The following CPVL variants were observed in gnomAD, a reference collection of about 807,000 sequenced individuals.
CPVL encodes the protein probable serine carboxypeptidase CPVL.
CPVL carries 51 observed loss-of-function variants against 63.7 expected under a neutral mutation model. That is an observed-to-expected ratio of 0.80 (90% confidence interval 0.64 to 1.01). The LOEUF (loss-of-function observed/expected upper bound fraction) is 1.01. CPVL is among the 50% of genes least tolerant of loss of function. The pLI is 0.00. For missense variants in CPVL, 530 were observed against 573.1 expected, an observed-to-expected ratio of 0.92 and a Z score of 0.77; for synonymous variants, 195 against 206.0, an observed-to-expected ratio of 0.95 and a Z score of 0.46.
chr7:29,178,800 TA>T (rs1416332277), intron 5 of CPVL, among the ~76,000 whole-genome samples: 1 of 152,176 alleles, frequency 6.6e-6, no homozygotes, highest in Non-Finnish European at 1.5e-5. Flanking sequence ...AAAAATGACT[TA>T]AATCCCTATG....
At chr7:29,081,679 A>G (rs966772410) in intron 7 of CPVL, among the ~76,000 whole-genome samples, 10 of 152,254 alleles carry the variant, frequency 6.6e-5, no homozygotes, top group Non-Finnish European at 8.8e-5. Flanking sequence ...CGGAGCTTCT[A>G]TTAACACTTC....
In CPVL at chr7:29,066,121, T is replaced by A. The variant is rs1304568209; in HGVS notation, c.865A>T (p.Ile289Leu). 1 of 1,519,572 alleles carries A rather than the reference T, an allele frequency of 6.6e-7. No individual in the cohort carries two copies. The highest frequency in any genetic ancestry group is 1.1e-5 in the South Asian group (1 of 87,192). The allele number at this position is 1,519,572 out of a possible 1,614,324, so 94.1% of individuals were successfully genotyped here. ...RKQNWFEAFE[I>L]LDKLLDGDLT... ...TCGCCATCTAGTAGTTTATCCAGTATCTAGGTTGGGAGAGAGGGAGAAAGA... is the reference window on the plus strand; with the variant it reads ...TCGCCATCTAGTAGTTTATCCAGTAACTAGGTTGGGAGAGAGGGAGAAAGA... Residue 289 changes from isoleucine to leucine, a missense_variant and splice_region_variant, in exon 10 of 13, where the codon ATA becomes TTA. Ile to Leu is a conservative substitution (Grantham distance 5). Transcript: ENST00000265394.
intron 5 of CPVL, among the ~76,000 whole-genome samples, chr7:29,177,580 T>C (rs538581369): frequency 6.6e-6 from 1 of 150,588 alleles, no homozygotes; most frequent in South Asian, 2.1e-4. Flanking sequence ...TTTAATTTAC[T>C]GGCTTTTCCT....
chr7:29,183,586 A>T (rs1006073164), intron 4 of CPVL, among the ~76,000 whole-genome samples: 2 of 152,078 alleles, frequency 1.3e-5, no homozygotes, highest in African/African-American at 4.8e-5. Context: ...CATGTTGGCC[A>T]GGCTGGTCTC....
At chr7:29,170,391 G>C (rs973791532) in intron 5 of CPVL, among the ~76,000 whole-genome samples, 13 of 152,064 alleles carry the variant, frequency 8.5e-5, no homozygotes, top group Non-Finnish European at 1.6e-4. Flanking sequence ...GTAAAACATT[G>C]TTCCATTTGA....
chr7:29,102,816 GAGA>G (rs1787290826), intron 3 of CPVL, among the ~76,000 whole-genome samples: 1 of 152,160 alleles, frequency 6.6e-6, no homozygotes. Context: ...CCCAGAAAGA[GAGA>G]AGTTATCTAT....
At chr7:29,092,313 C>T (rs1196893326) in intron 6 of CPVL, among the ~76,000 whole-genome samples, 1 of 151,544 alleles carries the variant, frequency 6.6e-6, no homozygotes, top group Non-Finnish European at 1.5e-5. Flanking sequence ...ATCCAAAAGC[C>T]ACGAAAAGAA....
intron 2 of CPVL, 95 bp downstream of exon 2, chr7:29,120,798 T>C: frequency 1.6e-6 from 2 of 1,259,672 alleles, no homozygotes; most frequent in African/African-American, 1.6e-5. Flanking sequence ...TCCAGCCTAG[T>C]GACAGGCGAG....
intron 5 of CPVL, among the ~76,000 whole-genome samples, chr7:29,152,518 C>T (rs1450959252): frequency 6.6e-6 from 1 of 152,176 alleles, no homozygotes; most frequent in Non-Finnish European, 1.5e-5. Context: ...AGTCTGAATG[C>T]ACTAGCTAAA....
At chr7:29,014,222 A>G (rs956112021) in intron 12 of CPVL, among the ~76,000 whole-genome samples, 1 of 152,194 alleles carries the variant, frequency 6.6e-6, no homozygotes, top group Non-Finnish European at 1.5e-5. Context: ...GAAGATAGAG[A>G]CAAAGAACCC....
At chr7:29,070,715 TG>T (rs1783648361) in intron 9 of CPVL, among the ~76,000 whole-genome samples, 1 of 152,244 alleles carries the variant, frequency 6.6e-6, no homozygotes. Context: ...TCCATCCATT[TG>T]CACAGCTAGC....
intron 12 of CPVL, chr7:29,009,640 AATAC>A (rs1159225994): frequency 2.0e-5 from 3 of 152,356 alleles, no homozygotes; most frequent in African/African-American, 4.8e-5. Context: ...GTTTTTGCAA[AATAC>A]ATACAGAATA....
At chr7:29,093,590 TAGAAGTTCAC>T (rs1786078531) in intron 5 of CPVL, among the ~76,000 whole-genome samples, 1 of 152,180 alleles carries the variant, frequency 6.6e-6, no homozygotes, top group Non-Finnish European at 1.5e-5. Flanking sequence ...TATTAGAACC[TAGAAGTTCAC>T]AGACAACTGA....
intron 1 of CPVL, among the ~76,000 whole-genome samples, chr7:29,142,216 C>A (rs1163048950): frequency 1.3e-5 from 2 of 152,158 alleles, no homozygotes; most frequent in Non-Finnish European, 2.9e-5. Context: ...GATAAACAGG[C>A]ATTAAAATAC....
chr7:29,117,207 C>T (rs777427375), intron 2 of CPVL, among the ~76,000 whole-genome samples: 20 of 152,156 alleles, frequency 1.3e-4, no homozygotes, highest in Non-Finnish European at 2.4e-4. Flanking sequence ...TGAAGATCTA[C>T]CAATCTTGAC....
At chr7:29,084,209 C>G (rs1056962317) in intron 7 of CPVL, among the ~76,000 whole-genome samples, 1 of 152,164 alleles carries the variant, frequency 6.6e-6, no homozygotes, top group East Asian at 1.9e-4. Flanking sequence ...CACAGGCAGC[C>G]GGGCCCTGCA....
intron 1 of CPVL, chr7:29,145,988 T>C (rs245878): frequency 0.37 from 55,635 of 152,064 alleles, 10,183 homozygotes; most frequent in East Asian, 0.39. Context: ...GAAGGTATTT[T>C]CCGCTTCTCT....
At chr7:29,042,168 TGGA>T (rs1403065746) in intron 11 of CPVL, among the ~76,000 whole-genome samples, 3 of 152,152 alleles carry the variant, frequency 2.0e-5, no homozygotes, top group African/African-American at 7.2e-5. Flanking sequence ...TATGTCCATG[TGGA>T]GGAGGAGCAG....
chr7:29,061,943 CAA>C (rs558152536), intron 11 of CPVL, among the ~76,000 whole-genome samples: 6,232 of 104,034 alleles, frequency 0.06, 280 homozygotes, highest in East Asian at 0.27. Flanking sequence ...AACTCTATCT[CAA>C]AAAAAAAAAA....
Sources: gnomAD v4.1 joint callset for allele counts (sites outside exome capture counted in the v4.1 genomes callset) on GRCh38, gnomAD v4.1.1 for gene constraint, MANE v1.5 for transcripts, NCBI Gene and HGNC (gene_info 2026-07-23, HGNC 2026-07-21) for gene names.